Variants in MAPRE3 observed in about 807,000 individuals in gnomAD.
MAPRE3 encodes microtubule associated protein RP/EB family member 3.
Under a neutral mutation model 30.5 loss-of-function variants are expected in MAPRE3, and 2 were observed. The observed-to-expected ratio is 0.07, with a 90% CI of 0.03 to 0.21. The LOEUF is 0.21. Among genes scored for constraint, MAPRE3 ranks in the 10% least tolerant of loss-of-function variants. The probability of loss-of-function intolerance (pLI) is 1.00; values close to 1 mark genes in which losing one functional copy is unlikely to be tolerated. For missense variants in MAPRE3, 204 were observed against 351.8 expected (o/e 0.58, Z 3.36); for synonymous variants, 110 against 127.7 (o/e 0.86, Z 0.93).
intron 3 of MAPRE3, 66 bp from the exon 4 acceptor site, chr2:27,024,030 C>A: frequency 7.7e-7 from 1 of 1,304,902 alleles, no homozygotes; most frequent in Middle Eastern, 1.9e-4. Flanking sequence ...CAGTGGCCCT[C>A]AGCAGAGGAA....
chr2:26,982,818 A>G (rs898449911), intron 1 of MAPRE3, among the ~76,000 whole-genome samples: 1 of 152,246 alleles, frequency 6.6e-6, no homozygotes, highest in Non-Finnish European at 1.5e-5. Flanking sequence ...ATGGATTTCT[A>G]AGGCATATTT....
In MAPRE3 at chr2:27,026,569, C is replaced by T. The variant is rs755972032; in HGVS notation, c.*221C>T. On this transcript the variant is annotated 3_prime_UTR_variant, in exon 7 of 7. Transcript: ENST00000233121. ...CCAGTTGGTGGGACCCCTGTCCACA[C>T]CCACCCTATTTATTTCCGTTGTCTC... 3 of 492,528 alleles carry T rather than the reference C, an allele frequency of 6.1e-6. No individual in the cohort carries two copies. The highest frequency in any genetic ancestry group is 3.4e-5 in the East Asian group (1 of 29,146). 30.5% of individuals were successfully genotyped at this position (492,528 alleles called of 1,614,324 possible).
intron 1 of MAPRE3, among the ~76,000 whole-genome samples, chr2:26,987,037 T>C (rs1382232744): frequency 5.9e-5 from 9 of 152,094 alleles, no homozygotes; most frequent in African/African-American, 1.9e-4. Context: ...TTGAAGCGGT[T>C]TGGCTTCACA....
chr2:26,970,849 G>A (rs943084019), intron 1 of MAPRE3, 47 bp downstream of exon 1: 1 of 152,044 alleles, frequency 6.6e-6, no homozygotes, highest in Non-Finnish European at 1.5e-5. Context: ...GAGTCAGCGG[G>A]AGGCCAGGGC....
chr2:27,024,089 A>G lies in MAPRE3; in HGVS notation c.268-7A>G, dbSNP rs1443210243. 1 of 1,611,096 alleles carries G rather than the reference A, an allele frequency of 6.2e-7. No individual in the cohort carries two copies. Among genetic ancestry groups the G allele is most frequent in the South Asian group, 1.1e-5 (1 of 90,734 alleles). ...CTAAAGTACTCTGCTTATGTGGTCT[A>G]TTTCAGATCATTCCTGTAGAGAAAT... is the stretch of plus-strand genomic sequence containing the variant. On this transcript the variant is annotated splice_region_variant and splice_polypyrimidine_tract_variant and intron_variant, in intron 3 of 6. Transcript: ENST00000233121.
chr2:26,990,176 A>G (rs917865528), intron 1 of MAPRE3, among the ~76,000 whole-genome samples: 3 of 152,146 alleles, frequency 2.0e-5, no homozygotes, highest in Non-Finnish European at 4.4e-5. Context: ...TGTCTTGAAA[A>G]CAAACAAAAA....
At chr2:27,022,561 T>C (rs1667131604) in intron 2 of MAPRE3, 2 of 541,022 alleles carry the variant, frequency 3.7e-6, no homozygotes, top group South Asian at 4.7e-5. Context: ...GGCTATATGG[T>C]ATAGCCTACT....
chr2:27,023,109 C>A (rs1667145702), intron 2 of MAPRE3, among the ~76,000 whole-genome samples: 1 of 152,216 alleles, frequency 6.6e-6, no homozygotes, highest in South Asian at 2.1e-4. Context: ...TACCTACATG[C>A]AGTGTTTGGT....
At chr2:26,995,766 G>T (rs1666438265) in intron 1 of MAPRE3, among the ~76,000 whole-genome samples, 2 of 133,466 alleles carry the variant, frequency 1.5e-5, no homozygotes, top group South Asian at 5.0e-4. Context: ...ATACCTGAGG[G>T]TCTTTCTAAG....
At chr2:27,002,358 T>C (rs1666618797) in intron 1 of MAPRE3, among the ~76,000 whole-genome samples, 1 of 152,162 alleles carries the variant, frequency 6.6e-6, no homozygotes, top group East Asian at 1.9e-4. Flanking sequence ...AGTGATTCAG[T>C]ATAAAATTCC....
intron 1 of MAPRE3, among the ~76,000 whole-genome samples, chr2:27,005,436 T>C (rs575230816): frequency 3.3e-5 from 5 of 152,164 alleles, no homozygotes; most frequent in African/African-American, 1.2e-4. Context: ...GCAAGAAACT[T>C]TGGGGTCATC....
chr2:26,997,484 C>T (rs1339752158), intron 1 of MAPRE3, among the ~76,000 whole-genome samples: 1 of 152,144 alleles, frequency 6.6e-6, no homozygotes, highest in Non-Finnish European at 1.5e-5. Context: ...GTTAGATCCT[C>T]ATACAGAACA....
At chr2:26,990,871 C>T (rs551426379) in intron 1 of MAPRE3, among the ~76,000 whole-genome samples, 49 of 152,342 alleles carry the variant, frequency 3.2e-4, no homozygotes, top group Non-Finnish European at 5.9e-4. Context: ...CTGTGAGCTC[C>T]TGAATGGCAA....
At chr2:26,979,235 G>C (rs1471905812) in intron 1 of MAPRE3, among the ~76,000 whole-genome samples, 2 of 152,230 alleles carry the variant, frequency 1.3e-5, no homozygotes, top group Non-Finnish European at 2.9e-5. Flanking sequence ...GTACTACAGA[G>C]TCTAAATTCC....
At chr2:26,973,400 G>A (rs1665951445) in intron 1 of MAPRE3, among the ~76,000 whole-genome samples, 1 of 152,220 alleles carries the variant, frequency 6.6e-6, no homozygotes, top group Admixed American at 6.5e-5. Context: ...CTATTGAACG[G>A]AGGAAAGTTC....
intron 1 of MAPRE3, among the ~76,000 whole-genome samples, chr2:27,009,423 G>A (rs781239582): frequency 2.0e-5 from 3 of 152,174 alleles, no homozygotes; most frequent in Non-Finnish European, 4.4e-5. Context: ...AATCTCTTCA[G>A]CTTTTACTAG....
chr2:26,970,982 G>A (rs901605284), intron 1 of MAPRE3, among the ~76,000 whole-genome samples, 180 bp downstream of exon 1: 2 of 139,338 alleles, frequency 1.4e-5, no homozygotes, highest in African/African-American at 2.6e-5. Flanking sequence ...GGTTCCCTCC[G>A]GCCTTGGCGG....
intron 1 of MAPRE3, among the ~76,000 whole-genome samples, chr2:27,020,404 C>G (rs1667084564): frequency 6.6e-6 from 1 of 152,242 alleles, no homozygotes; most frequent in African/African-American, 2.4e-5. Flanking sequence ...CACATGTCCT[C>G]ACAATTCTCG....
chr2:27,016,685 G>T (rs1261806300), intron 1 of MAPRE3, among the ~76,000 whole-genome samples: 4 of 152,100 alleles, frequency 2.6e-5, no homozygotes, highest in South Asian at 2.1e-4. Flanking sequence ...CGCCTGGCAG[G>T]TTATGTCTTT....
Sources: gnomAD v4.1 joint callset for allele counts (sites outside exome capture counted in the v4.1 genomes callset) on GRCh38, gnomAD v4.1.1 for gene constraint, MANE v1.5 for transcripts, NCBI Gene and HGNC (gene_info 2026-07-23, HGNC 2026-07-21) for gene names.